CDH7: variants seen among roughly 807,000 people sequenced by gnomAD.
The protein encoded by CDH7 is cadherin-7.
Under a neutral mutation model 71.8 loss-of-function variants are expected in CDH7, and 25 were observed. That is an observed-to-expected ratio of 0.35 (90% CI 0.25 to 0.49). The LOEUF (loss-of-function observed/expected upper bound fraction) is 0.49. Ranked by LOEUF, CDH7 falls within the 20% of genes least tolerant of loss-of-function variation. CDH7 has a pLI of 0.99. For missense variants in CDH7, 862 were observed against 974.6 expected, an observed-to-expected ratio of 0.88 and a Z score of 1.54; for synonymous variants, 381 against 363.8, an observed-to-expected ratio of 1.05 and a Z score of -0.54.
chr18:65,870,618 G>A (rs183111601), intron 11 of CDH7, among the ~76,000 whole-genome samples: 17 of 152,114 alleles, frequency 1.1e-4, no homozygotes, highest in East Asian at 9.7e-4. Flanking sequence ...CCCACAATGC[G>A]TTTCTTCCCA....
chr18:65,769,481 T>C (rs568566530), intron 2 of CDH7, among the ~76,000 whole-genome samples: 67 of 152,352 alleles, frequency 4.4e-4, no homozygotes, highest in African/African-American at 1.4e-3. Context: ...TATTCTCTAA[T>C]CCAGCTTTTG....
chr18:65,783,549 C>T (rs1910390471), intron 2 of CDH7, among the ~76,000 whole-genome samples: 1 of 152,102 alleles, frequency 6.6e-6, no homozygotes, highest in African/African-American at 2.4e-5. Context: ...CCACATTAGT[C>T]AGGTATTTGC....
chr18:65,827,245 T>G (rs1348248733), intron 6 of CDH7, among the ~76,000 whole-genome samples: 1 of 151,908 alleles, frequency 6.6e-6, no homozygotes, highest in African/African-American at 2.4e-5. Context: ...AATACTTGTC[T>G]AATTCTTTGT....
At chr18:65,832,629 C>T (rs1912391110) in intron 6 of CDH7, among the ~76,000 whole-genome samples, 1 of 151,806 alleles carries the variant, frequency 6.6e-6, no homozygotes, top group Non-Finnish European at 1.5e-5. Flanking sequence ...ATTCCTTGAC[C>T]ATTTATGAAT....
intron 5 of CDH7, among the ~76,000 whole-genome samples, chr18:65,823,277 A>G (rs1912004368): frequency 6.6e-6 from 1 of 151,926 alleles, no homozygotes; most frequent in South Asian, 2.1e-4. Context: ...ATTTTCTTTC[A>G]ATAAGCCTAT....
intron 7 of CDH7, among the ~76,000 whole-genome samples, chr18:65,847,811 C>T (rs1351886): frequency 0.89 from 134,937 of 152,134 alleles, 62,116 homozygotes; most frequent in East Asian, 1. Flanking sequence ...CTTTACCCAA[C>T]ATCCAGATAG....
chr18:65,826,171 A>G (rs1912122377), intron 6 of CDH7, among the ~76,000 whole-genome samples: 1 of 151,512 alleles, frequency 6.6e-6, no homozygotes, highest in African/African-American at 2.4e-5. Flanking sequence ...AAAAAAACCT[A>G]GATTAAAAAT....
rs761985195 is a variant in CDH7 at position 65,880,839 on chromosome 18, G to C, written c.2303G>C (p.Arg768Pro). 2 of 1,614,068 alleles carry C rather than the reference G, an allele frequency of 1.2e-6. No homozygotes were observed. Among genetic ancestry groups the C allele is most frequent in the East Asian group, 4.5e-5 (2 of 44,870 alleles). ...NYDYLSDWGPRFKRLADMYGT... is the reference protein window; with the variant it reads ...NYDYLSDWGPPFKRLADMYGT... ...GACTACCTAAGTGACTGGGGACCTC[G>C]CTTTAAACGACTCGCGGACATGTAT... Residue 768 changes from arginine (R) to proline (P), a missense_variant, in exon 12 of 12, where the codon CGC becomes CCC. Coordinates refer to ENST00000397968, the MANE Select transcript of CDH7 (RefSeq NM_004361.5).
chr18:65,860,367 G>A (rs1913520875), intron 10 of CDH7, among the ~76,000 whole-genome samples: 4 of 151,824 alleles, frequency 2.6e-5, no homozygotes, highest in African/African-American at 7.3e-5. Flanking sequence ...ACTCCCTCTC[G>A]TGTCAAATTG....
At chr18:65,857,475 C>T (rs1393780484) in intron 7 of CDH7, among the ~76,000 whole-genome samples, 1 of 151,372 alleles carries the variant, frequency 6.6e-6, no homozygotes, top group Non-Finnish European at 1.5e-5. Flanking sequence ...TCCACCCCAG[C>T]CTGGGTGACA....
chr18:65,875,363 T>G (rs1052873347), intron 11 of CDH7, among the ~76,000 whole-genome samples: 6 of 152,186 alleles, frequency 3.9e-5, no homozygotes, highest in Non-Finnish European at 7.3e-5. Flanking sequence ...CCAATAGAAA[T>G]CATGTTCCAG....
Position 65,809,956 on chromosome 18 carries a change from G to A in CDH7, c.463G>A (p.Asp155Asn), listed in dbSNP as rs188037005. Reference sequence around the variant, plus strand: ...CAACGACAATGAACCCAAATTTTTGGATGGCCCATACACGGCAGGAGTTCC... The same window carrying A: ...CAACGACAATGAACCCAAATTTTTGAATGGCCCATACACGGCAGGAGTTCC... The part of the protein sequence containing the change: ...DINDNEPKFL[D>N]GPYTAGVPEM... The change falls in exon 3 of 12, where the codon GAT becomes AAT. Residue 155 changes from aspartate (D) to asparagine (N), a missense_variant. By Grantham distance (23) the Asp-to-Asn change is conservative (BLOSUM62 1). Coordinates refer to ENST00000397968, the MANE Select transcript of CDH7 (RefSeq NM_004361.5). 1.2e-6 allele frequency: 2 copies of A among 1,613,944 alleles called. No individual in the cohort carries two copies. The highest frequency in any genetic ancestry group is 1.7e-5 in the Admixed American group (1 of 59,998).
At chr18:65,773,354 A>G (rs757693578) in intron 2 of CDH7, among the ~76,000 whole-genome samples, 8 of 152,156 alleles carry the variant, frequency 5.3e-5, no homozygotes, top group East Asian at 1.9e-4. Flanking sequence ...GAAAGAATAT[A>G]TTGTTCTTAT....
At chr18:65,795,870 C>A (rs1337129845) in intron 2 of CDH7, among the ~76,000 whole-genome samples, 1 of 152,032 alleles carries the variant, frequency 6.6e-6, no homozygotes, top group East Asian at 1.9e-4. Context: ...ATGCTGTTCT[C>A]ATGATAGTGA....
rs1359504936 is a variant in CDH7, at chr18:65,880,756, A to G, written c.2220A>G (p.Ser740=). Residue 740 remains serine, a synonymous_variant, in exon 12 of 12, where the codon TCA becomes TCG. Coordinates refer to ENST00000397968, the MANE Select transcript of CDH7 (RefSeq NM_004361.5). ...LQTYAFEGNG[S]VAESLSSLDS... ...CATATGCTTTTGAAGGAAATGGCTCAGTTGCTGAATCACTCAGCTCTTTAG... is the reference window on the plus strand; with the variant it reads ...CATATGCTTTTGAAGGAAATGGCTCGGTTGCTGAATCACTCAGCTCTTTAG... The G allele has an allele frequency of 6.2e-7, 1 of 1,613,774 alleles. No homozygotes were observed. The highest frequency in any genetic ancestry group is 8.5e-7 in the Non-Finnish European group (1 of 1,179,844).
intron 2 of CDH7, among the ~76,000 whole-genome samples, chr18:65,766,917 A>AG: frequency 9.6e-6 from 1 of 104,142 alleles, no homozygotes; most frequent in Non-Finnish European, 1.9e-5. Context: ...AAAAAAAAAA[A>AG]AAAAAGTCTA....
At chr18:65,841,962 C>T (rs1248021363) in intron 6 of CDH7, among the ~76,000 whole-genome samples, 2 of 152,092 alleles carry the variant, frequency 1.3e-5, no homozygotes, top group Non-Finnish European at 2.9e-5. Flanking sequence ...GCAGTATTTT[C>T]TATGTGTCCC....
chr18:65,876,752 C>T (rs186940460), intron 11 of CDH7, among the ~76,000 whole-genome samples: 116 of 152,272 alleles, frequency 7.6e-4, no homozygotes, highest in African/African-American at 2.4e-3. Flanking sequence ...GTTGGTCCCA[C>T]GGAATCGTAA....
chr18:65,831,538 T>G (rs1014938623), intron 6 of CDH7, among the ~76,000 whole-genome samples: 3 of 152,160 alleles, frequency 2.0e-5, no homozygotes, highest in African/African-American at 7.2e-5. Context: ...ATTTCCTCAG[T>G]CTGAACTAAC....
Sources: allele counts gnomAD v4.1 joint callset (sites outside exome capture counted in the v4.1 genomes callset), GRCh38; gene constraint gnomAD v4.1.1; transcripts MANE v1.5; gene names NCBI Gene and HGNC (gene_info 2026-07-23, HGNC 2026-07-21).